Variants in CAPZA2 observed in about 807,000 individuals in gnomAD.
The protein encoded by CAPZA2 is F-actin-capping protein subunit alpha-2.
Under a neutral mutation model 44.0 loss-of-function variants are expected in CAPZA2, and 13 were observed. The ratio of observed to expected loss-of-function variants is 0.30; its 90% CI spans 0.19 to 0.47. The LOEUF is 0.47. CAPZA2 is among the 20% of genes least tolerant of loss of function. CAPZA2 has a pLI of 1.00. For missense variants in CAPZA2, 244 were observed against 338.6 expected, an observed-to-expected ratio of 0.72 and a Z score of 2.19; for synonymous variants, 94 against 108.2, an observed-to-expected ratio of 0.87 and a Z score of 0.81.
At chr7:116,892,937 C>T in intron 2 of CAPZA2, 57 bp from the exon 3 acceptor site, 2 of 1,259,556 alleles carry the variant, frequency 1.6e-6, no homozygotes, top group Non-Finnish European at 1.1e-6. Context: ...AATCTGCGTT[C>T]ATTACATTCT....
At chr7:116,864,790 A>G (rs940261429) in intron 1 of CAPZA2, among the ~76,000 whole-genome samples, 6 of 152,146 alleles carry the variant, frequency 3.9e-5, no homozygotes, top group Non-Finnish European at 7.3e-5. Context: ...TGTAATGCCA[A>G]CTACTCTGGA....
chr7:116,875,542 T>G (rs931960217), intron 1 of CAPZA2: 3 of 151,722 alleles, frequency 2.0e-5, no homozygotes, highest in African/African-American at 7.3e-5. Context: ...TTGGAGGGTT[T>G]TTTTTTTTTA....
intron 3 of CAPZA2, among the ~76,000 whole-genome samples, chr7:116,895,370 A>G (rs573528845): frequency 4.6e-5 from 7 of 152,208 alleles, no homozygotes; most frequent in African/African-American, 1.2e-4. Context: ...TCTGTTAATG[A>G]TTGTTAGATT....
chr7:116,915,234 C>T (rs1010152261), intron 8 of CAPZA2, among the ~76,000 whole-genome samples: 2 of 151,484 alleles, frequency 1.3e-5, no homozygotes, highest in African/African-American at 2.4e-5. Flanking sequence ...ACCTGGGAGG[C>T]GGAGATTACA....
intron 1 of CAPZA2, among the ~76,000 whole-genome samples, chr7:116,881,146 A>G (rs1407818432): frequency 1.3e-5 from 2 of 152,158 alleles, no homozygotes; most frequent in Non-Finnish European, 2.9e-5. Context: ...CTGCCTGCTA[A>G]TATTATTGAA....
chr7:116,885,836 C>T (rs980623135), intron 1 of CAPZA2, among the ~76,000 whole-genome samples: 7 of 152,256 alleles, frequency 4.6e-5, no homozygotes, highest in African/African-American at 1.7e-4. Context: ...TCCAAACCCT[C>T]TTTATGGGTT....
At chr7:116,887,750 G>A (rs941774643) in intron 1 of CAPZA2, among the ~76,000 whole-genome samples, 14 of 152,186 alleles carry the variant, frequency 9.2e-5, no homozygotes, top group African/African-American at 2.4e-4. Context: ...GGAGAATCAC[G>A]TAAACCCAGG....
chr7:116,866,123 T>C (rs975422009), intron 1 of CAPZA2, among the ~76,000 whole-genome samples: 5 of 152,198 alleles, frequency 3.3e-5, no homozygotes, highest in Admixed American at 6.5e-5. Flanking sequence ...GGGAAATAAA[T>C]TTAGCTGAAG....
chr7:116,917,679 G>A (rs527262955), intron 9 of CAPZA2, 48 bp from the exon 10 acceptor site: 1 of 1,327,484 alleles, frequency 7.5e-7, no homozygotes. Context: ...TTTATAAATT[G>A]TTCTGTTCTT....
rs908031913 is a variant in CAPZA2, at chr7:116,921,942, C to T, written c.*4075C>T. The T allele has an allele frequency of 6.6e-6, 1 of 152,188 alleles. No individual in the cohort carries two copies. The highest frequency in any genetic ancestry group is 1.9e-4 in the East Asian group (1 of 5,186). The allele number at this position is 152,188 out of a possible 1,614,324, so 9.4% of individuals were successfully genotyped here. A position where few individuals can be genotyped will look rare whatever the true frequency, so the allele number is the denominator to read the frequency against. On this transcript the variant is annotated 3_prime_UTR_variant, in exon 10 of 10. Coordinates refer to ENST00000361183, the MANE Select transcript of CAPZA2 (RefSeq NM_006136.3). ...CAGAGTACACTTGGATATATGATTACATTTTAATAAGTTATATAAATATGC... is the reference window on the plus strand; with the variant it reads ...CAGAGTACACTTGGATATATGATTATATTTTAATAAGTTATATAAATATGC...
intron 5 of CAPZA2, among the ~76,000 whole-genome samples, chr7:116,904,986 A>AG (rs1000273270): frequency 1.3e-5 from 2 of 149,914 alleles, no homozygotes; most frequent in African/African-American, 4.9e-5. Flanking sequence ...AAAAAAAAAA[A>AG]AAACAATTAG....
chr7:116,917,988 T>A lies in CAPZA2; in HGVS notation c.*121T>A. 1 of 707,738 alleles carries A rather than the reference T, an allele frequency of 1.4e-6. No homozygotes were observed. Among genetic ancestry groups the A allele is most frequent in the Non-Finnish European group, 2.4e-6 (1 of 414,076 alleles). 43.8% of individuals were successfully genotyped at this position (707,738 alleles called of 1,614,324 possible). On this transcript the variant is annotated 3_prime_UTR_variant, in exon 10 of 10. Coordinates refer to ENST00000361183, the MANE Select transcript of CAPZA2 (RefSeq NM_006136.3). The stretch of plus-strand genomic sequence containing the variant: ...TGTTGCCATTTAAAATCACTGTAAT[T>A]AATTAGTTTGATTAGAGCACAAAGC...
chr7:116,912,008 G>C (rs547211319), intron 7 of CAPZA2, 61 bp from the exon 8 acceptor site: 2 of 1,601,200 alleles, frequency 1.2e-6, no homozygotes, highest in African/African-American at 2.7e-5. Flanking sequence ...TATGCTTGTT[G>C]ACGCAATAAG....
Position 116,897,938 on chromosome 7 carries a change from T to G in CAPZA2, c.156-834T>G, listed in dbSNP as rs576056771. Among the ~76,000 whole-genome samples the G allele has an allele frequency of 4.4e-4, 67 of 152,246 alleles. No homozygotes were observed. In the South Asian group the frequency reaches 5.6e-3, roughly 13 times the overall value. Reference sequence around the variant, plus strand: ...AATCTTCTTTAGAAGTACTTCTGTGTTCTCCTTTCTCAAAAAGCTTCTGTA... The same window carrying G: ...AATCTTCTTTAGAAGTACTTCTGTGGTCTCCTTTCTCAAAAAGCTTCTGTA... On this transcript the variant is annotated intron_variant, in intron 3 of 9. Coordinates refer to ENST00000361183, the MANE Select transcript of CAPZA2 (RefSeq NM_006136.3).
intron 1 of CAPZA2, among the ~76,000 whole-genome samples, chr7:116,872,537 A>G (rs865983683): frequency 7.2e-5 from 11 of 152,198 alleles, no homozygotes; most frequent in Non-Finnish European, 1.5e-4. Flanking sequence ...ACCACTCTTA[A>G]GTTTACCCAT....
chr7:116,866,207 A>G (rs1022468046), intron 1 of CAPZA2, among the ~76,000 whole-genome samples: 1 of 146,946 alleles, frequency 6.8e-6, no homozygotes, highest in Admixed American at 6.8e-5. Flanking sequence ...TTTTTTTGAG[A>G]CGGAGTCTCG....
intron 6 of CAPZA2, chr7:116,909,912 C>G (rs540594468): frequency 7.7e-6 from 2 of 261,250 alleles, no homozygotes; most frequent in East Asian, 8.5e-5. Context: ...ACAAAGAAAC[C>G]TGTAACTGAT....
intron 7 of CAPZA2, 139 bp from the exon 8 acceptor site, chr7:116,911,930 T>A: frequency 7.1e-7 from 1 of 1,406,778 alleles, no homozygotes; most frequent in Non-Finnish European, 9.5e-7. Context: ...CTTGCTGGAG[T>A]TCAAAAGTTT....
intron 1 of CAPZA2, chr7:116,875,637 C>T (rs951102977): frequency 6.6e-6 from 1 of 151,910 alleles, no homozygotes; most frequent in Non-Finnish European, 1.5e-5. Context: ...TCCTTGACCT[C>T]CCAGGTTCAA....
Sources: allele counts gnomAD v4.1 joint callset (sites outside exome capture counted in the v4.1 genomes callset), GRCh38; gene constraint gnomAD v4.1.1; transcripts MANE v1.5; gene names NCBI Gene and HGNC (gene_info 2026-07-23, HGNC 2026-07-21).